The following KLF12 variants were observed in gnomAD, a reference collection of about 807,000 sequenced individuals.
KLF12 encodes the protein Krueppel-like factor 12.
In KLF12, 9 loss-of-function variants were observed where a neutral mutation model predicts 37.8. The ratio of observed to expected loss-of-function variants is 0.24; its 90% CI spans 0.14 to 0.42. KLF12 has a LOEUF of 0.42. KLF12 is among the 10% of genes least tolerant of loss of function. The pLI, the probability that KLF12 is intolerant of heterozygous loss-of-function variation, is 1.00. For missense variants in KLF12, 411 were observed against 516.0 expected, an observed-to-expected ratio of 0.80 and a Z score of 1.97; for synonymous variants, 208 against 202.1, an observed-to-expected ratio of 1.03 and a Z score of -0.25.
rs145328757 is a variant in KLF12 at position 73,877,325 on chromosome 13, C to G, written c.124-30952G>C. On this transcript the variant is annotated intron_variant, in intron 3 of 7. Coordinates refer to ENST00000377669, the MANE Select transcript of KLF12 (RefSeq NM_007249.5). ...AAATGTGCACGCTTTTATAAAATGCCTTTTTTTAGTCATTATTCCATATTA... is the reference window on the plus strand; with the variant it reads ...AAATGTGCACGCTTTTATAAAATGCGTTTTTTTAGTCATTATTCCATATTA... Among the ~76,000 whole-genome samples the G allele has an allele frequency of 1.8e-3, 269 of 152,100 alleles. 2 individuals carry two copies. The highest frequency in any genetic ancestry group is 6.2e-3 in the African/African-American group (259 of 41,502).
chr13:74,246,351 A>G, the KLF12 span, among the ~76,000 whole-genome samples: 1 of 152,102 alleles, frequency 6.6e-6, no homozygotes, highest in Non-Finnish European at 1.5e-5. Flanking sequence ...CCCATTTTCT[A>G]CCCTACTTTT....
intron 5 of KLF12, among the ~76,000 whole-genome samples, chr13:73,812,459 G>T (rs541751620): frequency 6.6e-6 from 1 of 151,424 alleles, no homozygotes; most frequent in African/African-American, 2.4e-5. Flanking sequence ...CTATGTACAT[G>T]TATGTTAAAT....
chr13:73,974,099 G>C (rs1891429082), intron 2 of KLF12, among the ~76,000 whole-genome samples: 1 of 152,026 alleles, frequency 6.6e-6, no homozygotes, highest in Admixed American at 6.5e-5. Context: ...TTTTTTAATG[G>C]AGAAAAGATA....
the KLF12 span, among the ~76,000 whole-genome samples, chr13:74,204,932 T>C: frequency 1.3e-5 from 2 of 152,158 alleles, no homozygotes; most frequent in Non-Finnish European, 2.9e-5. Flanking sequence ...AGTGTTGGGC[T>C]TTTTATGAAG....
At chr13:73,904,084 T>C (rs930374409) in intron 3 of KLF12, among the ~76,000 whole-genome samples, 3 of 152,106 alleles carry the variant, frequency 2.0e-5, no homozygotes, top group African/African-American at 7.2e-5. Flanking sequence ...AAATACAACA[T>C]GGGCAATCAA....
intron 3 of KLF12, among the ~76,000 whole-genome samples, chr13:73,883,218 A>G (rs1887064650): frequency 6.6e-6 from 1 of 152,234 alleles, no homozygotes; most frequent in African/African-American, 2.4e-5. Flanking sequence ...TTCAATGAGA[A>G]TAGCAATAAA....
At chr13:73,731,553 A>AAAAAAG (rs3079691) in intron 6 of KLF12, among the ~76,000 whole-genome samples, 1 of 151,006 alleles carries the variant, frequency 6.6e-6, no homozygotes, top group African/African-American at 2.4e-5. Flanking sequence ...AAAAAAAAAA[A>AAAAAAG]GCATAGTTTT....
At chr13:73,970,092 T>C (rs901822279) in intron 2 of KLF12, among the ~76,000 whole-genome samples, 4 of 152,116 alleles carry the variant, frequency 2.6e-5, no homozygotes, top group African/African-American at 9.7e-5. Context: ...TGGTGCAATT[T>C]TGTATCAAAC....
chr13:74,263,849 T>C, the KLF12 span, among the ~76,000 whole-genome samples: 1 of 152,248 alleles, frequency 6.6e-6, no homozygotes, highest in African/African-American at 2.4e-5. Flanking sequence ...TTTAAAAATC[T>C]TGTCCTTCAG....
the KLF12 span, among the ~76,000 whole-genome samples, chr13:74,221,355 T>G: frequency 6.6e-6 from 1 of 152,234 alleles, no homozygotes; most frequent in Non-Finnish European, 1.5e-5. Context: ...TTTTTAATGC[T>G]TCCTATGTTT....
chr13:74,018,651 A>T (rs1892763213), intron 1 of KLF12, among the ~76,000 whole-genome samples: 1 of 152,238 alleles, frequency 6.6e-6, no homozygotes, highest in Non-Finnish European at 1.5e-5. Context: ...AATTTTACCA[A>T]TTTAAATTAG....
At chr13:74,066,489 T>G (rs1264621959) in intron 1 of KLF12, among the ~76,000 whole-genome samples, 2 of 152,018 alleles carry the variant, frequency 1.3e-5, no homozygotes, top group African/African-American at 4.8e-5. Flanking sequence ...TAGCGAGACC[T>G]TGTTTCTACC....
chr13:73,880,025 C>T (rs370892350), intron 3 of KLF12, among the ~76,000 whole-genome samples: 4 of 152,150 alleles, frequency 2.6e-5, no homozygotes, highest in South Asian at 2.1e-4. Flanking sequence ...TCATGCTAGC[C>T]GTTCTGCCTG....
intron 6 of KLF12, among the ~76,000 whole-genome samples, chr13:73,754,361 G>A (rs965404633): frequency 2.6e-5 from 4 of 152,088 alleles, no homozygotes; most frequent in Non-Finnish European, 5.9e-5. Context: ...TTAGGTCTTG[G>A]CATAACTTAG....
intron 7 of KLF12, among the ~76,000 whole-genome samples, chr13:73,712,441 C>T (rs918838691): frequency 2.0e-5 from 3 of 151,148 alleles, no homozygotes; most frequent in Admixed American, 6.6e-5. Flanking sequence ...CTGCTTCTTA[C>T]GGATGCGCAA....
At chr13:74,119,389 G>C (rs1462681527) in intron 1 of KLF12, among the ~76,000 whole-genome samples, 1 of 150,326 alleles carries the variant, frequency 6.7e-6, no homozygotes, top group African/African-American at 2.4e-5. Flanking sequence ...ACTGTCAACA[G>C]ATAAACCTGT....
chr13:73,919,827 T>C (rs898136125), intron 3 of KLF12, among the ~76,000 whole-genome samples: 5 of 152,238 alleles, frequency 3.3e-5, no homozygotes, highest in Non-Finnish European at 7.4e-5. Flanking sequence ...AGGGTTGCCC[T>C]GCAACCCACT....
At chr13:74,099,933 A>G (rs1184596) in intron 1 of KLF12, among the ~76,000 whole-genome samples, 79,706 of 152,052 alleles carry the variant, frequency 0.52, 21,367 homozygotes, top group African/African-American at 0.62. Context: ...ACCATAAAAC[A>G]TTCCTGTATT....
At chr13:73,958,850 G>A (rs975039535) in intron 2 of KLF12, among the ~76,000 whole-genome samples, 7 of 150,452 alleles carry the variant, frequency 4.7e-5, no homozygotes, top group African/African-American at 1.2e-4. Context: ...AGTCCTTAGC[G>A]TATGAGTCAG....
Sources: gnomAD v4.1 joint callset for allele counts (sites outside exome capture counted in the v4.1 genomes callset) on GRCh38, gnomAD v4.1.1 for gene constraint, MANE v1.5 for transcripts, NCBI Gene and HGNC (gene_info 2026-07-23, HGNC 2026-07-21) for gene names.